Variants in IGFL4 observed in about 807,000 individuals in gnomAD.
IGFL4 encodes IGF like family member 4.
A neutral mutation model predicts 15.4 loss-of-function variants in IGFL4; 12 were observed. That is an observed-to-expected ratio of 0.78 (90% CI 0.50 to 1.26). IGFL4 has a LOEUF of 1.26. Ranked by LOEUF, IGFL4 falls within the 50% of genes most tolerant of loss-of-function variation. The pLI is 0.00. For missense variants in IGFL4, 126 were observed against 147.8 expected, an observed-to-expected ratio of 0.85 and a Z score of 0.76; for synonymous variants, 54 against 55.9, an observed-to-expected ratio of 0.97 and a Z score of 0.16.
At chr19:46,042,120 T>C (rs375116893), upstream of IGFL4, among the ~76,000 whole-genome samples, 2 of 151,488 alleles carry the variant, frequency 1.3e-5, no homozygotes, top group Non-Finnish European at 2.9e-5. Flanking sequence ...GTTGTTGTTG[T>C]GCTTATTTGC....
intron 1 of IGFL4, among the ~76,000 whole-genome samples, chr19:46,075,741 A>G (rs764589806): frequency 6.6e-6 from 1 of 152,120 alleles, no homozygotes; most frequent in Non-Finnish European, 1.5e-5. Context: ...GAGCCAGGTC[A>G]TTATTTGCAG....
upstream of IGFL4, among the ~76,000 whole-genome samples, chr19:46,044,086 G>GGT (rs929452384): frequency 6.6e-5 from 10 of 152,182 alleles, no homozygotes; most frequent in African/African-American, 2.4e-4. Context: ...GCAGTGTGGA[G>GGT]GTATGGGGAC....
rs1231799653 is a variant in IGFL4 at position 46,040,257 on chromosome 19, A to G, written c.230T>C (p.Leu77Pro). The change falls in exon 3 of 4, where the codon CTG (leucine) becomes CCG (proline). Residue 77 changes from leucine (L) to proline (P), a missense_variant. Physicochemically the swap from Leu to Pro is moderately conservative, Grantham distance 98. Coordinates refer to ENST00000377697, the MANE Select transcript of IGFL4 (RefSeq NM_001002923.3). The surrounding 1 kb of genome is among the most constrained non-coding windows in gnomAD (Gnocchi z 4.1). ...TFWPCFQHCC[L>P]ESLGSQNQTV... ...CTGGTTCTGAGAGCCCAAAGACTCC[A>G]GGCAGCAGTGCTGGAAGCAGGGCCA... 6.2e-7 allele frequency: 1 copy of G among 1,614,214 alleles called. No individual in the cohort carries two copies. Among genetic ancestry groups the G allele is most frequent in the South Asian group, 1.1e-5 (1 of 91,090 alleles).
In IGFL4 at chr19:46,075,644, A is replaced by G. The variant is rs74956992; in HGVS notation, c.-432+1376T>C. Among the ~76,000 whole-genome samples, 1,171 of 152,304 alleles carry G rather than the reference A, an allele frequency of 7.7e-3. 19 individuals carry two copies. The highest frequency in any genetic ancestry group is 0.027 in the African/African-American group (1,112 of 41,560). ...CTGTCAACATGATTTATCATTGATG[A>G]TTATGACACCGATTACCTGGCTGAT... On this transcript the variant is annotated intron_variant, in intron 1 of 5. Transcript: ENST00000601672.
chr19:46,068,298 G>A (rs763141908), intron 1 of IGFL4, among the ~76,000 whole-genome samples: 2 of 152,184 alleles, frequency 1.3e-5, no homozygotes, highest in Non-Finnish European at 2.9e-5. Context: ...CAGTGGCTTA[G>A]ACAGTAATCT....
chr19:46,065,308 GCTTTT>G (rs145761586), intron 1 of IGFL4, among the ~76,000 whole-genome samples: 109,018 of 150,572 alleles, frequency 0.72, 40,162 homozygotes, highest in African/African-American at 0.86. Context: ...CTGTGCAGAA[GCTTTT>G]CTTTTCTTTT....
At chr19:46,057,533 T>A (rs1389723797) in intron 2 of IGFL4, 1 of 152,124 alleles carries the variant, frequency 6.6e-6, no homozygotes, top group Non-Finnish European at 1.5e-5. Context: ...AGTGAAGGAA[T>A]AAAAGAATGG....
At chr19:46,061,973 A>T (rs1164456335) in intron 1 of IGFL4, among the ~76,000 whole-genome samples, 1 of 152,206 alleles carries the variant, frequency 6.6e-6, no homozygotes, top group African/African-American at 2.4e-5. Context: ...ACATAACACA[A>T]TGCGAAACAG....
At chr19:46,065,204 C>T (rs1223779786) in intron 1 of IGFL4, among the ~76,000 whole-genome samples, 1 of 144,198 alleles carries the variant, frequency 6.9e-6, no homozygotes, top group African/African-American at 2.6e-5. Context: ...TTTTTCTTTT[C>T]TTTTCTTTTT....
At chr19:46,061,285 T>A (rs1360409920) in intron 1 of IGFL4, among the ~76,000 whole-genome samples, 1 of 152,214 alleles carries the variant, frequency 6.6e-6, no homozygotes, top group Non-Finnish European at 1.5e-5. Flanking sequence ...CATGTAAAAC[T>A]TTTTTTCCTG....
rs1203430855 is a variant in IGFL4, at chr19:46,040,339, C to T, written c.148G>A (p.Asp50Asn). 2 of 1,614,182 alleles carry T rather than the reference C, an allele frequency of 1.2e-6. No individual in the cohort carries two copies. Among genetic ancestry groups the T allele is most frequent in the Admixed American group, 3.3e-5 (2 of 60,036 alleles). Residue 50 changes from aspartate to asparagine, a missense_variant, in exon 3 of 4, where the codon GAC (aspartate) becomes AAC (asparagine). Physicochemically the swap from Asp to Asn is conservative, Grantham distance 23. Coordinates refer to ENST00000377697, the MANE Select transcript of IGFL4 (RefSeq NM_001002923.3). This position sits in a 1 kb window ranked among gnomAD's most constrained non-coding sequence, Gnocchi z 4.1. ...TYNPLEQCCD[D>N]GVILDLNQTR... is the part of the protein sequence containing the mutation. ...TGGTTCAAGTCTAGGATGACACCGTCATCACAGCACTGCTCCAAGGGGTTG... is the reference window on the plus strand; with the variant it reads ...TGGTTCAAGTCTAGGATGACACCGTTATCACAGCACTGCTCCAAGGGGTTG...
Position 46,039,616 on chromosome 19 carries a change from T to C in IGFL4, c.*276A>G. 1 of 336,482 alleles carries C rather than the reference T, an allele frequency of 3.0e-6. No individual in the cohort carries two copies. Among genetic ancestry groups the C allele is most frequent in the Non-Finnish European group, 5.7e-6 (1 of 174,318 alleles). 20.8% of individuals were successfully genotyped at this position (336,482 alleles called of 1,614,324 possible). ...TTGAAGAGGTCCTTCACATCCCTTGTAAGTTGGATTCCTAGGTATTTTATT... is the reference window on the plus strand; with the variant it reads ...TTGAAGAGGTCCTTCACATCCCTTGCAAGTTGGATTCCTAGGTATTTTATT... On this transcript the variant is annotated 3_prime_UTR_variant, in exon 4 of 4. Transcript: ENST00000377697.
chr19:46,043,229 A>C (rs1969263891), upstream of IGFL4, among the ~76,000 whole-genome samples: 1 of 152,232 alleles, frequency 6.6e-6, no homozygotes, highest in Non-Finnish European at 1.5e-5. Context: ...GGTATACTGT[A>C]AATCTAGGAG....
rs372158506 is a variant in IGFL4, at chr19:46,039,609, TC to T, written c.*282del. 2.7e-4 allele frequency: 88 copies of T among 329,882 alleles called. No individual in the cohort carries two copies. In the East Asian group the frequency reaches 6.3e-3, roughly 24 times the overall value. The allele number at this position is 329,882 out of a possible 1,614,324, so 20.4% of individuals were successfully genotyped here. On this transcript the variant is annotated 3_prime_UTR_variant, in exon 4 of 4. Coordinates refer to ENST00000377697, the MANE Select transcript of IGFL4 (RefSeq NM_001002923.3). ...GTTCTCCTTGAAGAGGTCCTTCACA[TC>T]CCTTGTAAGTTGGATTCCTAGGTAT...
In IGFL4 at chr19:46,040,623, G is replaced by T; in HGVS notation, c.20-55C>A. ...TCTGAGGTCACTAGGTCTTGACCAC[G>T]GGGCACAGGATGATGTCTCTGAGCT... On this transcript the variant is annotated intron_variant, in intron 1 of 3. Coordinates refer to ENST00000377697, the MANE Select transcript of IGFL4 (RefSeq NM_001002923.3). The surrounding 1 kb of genome is among the most constrained non-coding windows in gnomAD (Gnocchi z 4.1). 6.4e-7 allele frequency: 1 copy of T among 1,573,866 alleles called. No individual in the cohort carries two copies.
In IGFL4 at chr19:46,040,174, T is replaced by A; in HGVS notation, c.313A>T (p.Thr105Ser). ...ATCCTTACCTGGGCACAGATCCTGG[T>A]GATAGGGGAGGACTTGCAATCTGGC... ...MKPDCKSSPI[T>S]RICAQEYHPK... is the part of the protein sequence containing the mutation. The change falls in exon 3 of 4, where the codon ACC becomes TCC. Residue 105 changes from threonine (T) to serine (S), a missense_variant. Transcript: ENST00000377697. This position sits in a 1 kb window ranked among gnomAD's most constrained non-coding sequence, Gnocchi z 4.1. 4 of 1,613,792 alleles carry A rather than the reference T, an allele frequency of 2.5e-6. No homozygotes were observed. Among genetic ancestry groups the A allele is most frequent in the Non-Finnish European group, 3.4e-6 (4 of 1,180,004 alleles).
In IGFL4 at chr19:46,040,389, G is replaced by A. The variant is rs571240427; in HGVS notation, c.98C>T (p.Ala33Val). 3.6e-5 allele frequency: 58 copies of A among 1,614,210 alleles called. No homozygotes were observed. The highest frequency in any genetic ancestry group is 1.3e-4 in the South Asian group (12 of 91,084). Residue 33 changes from alanine (A) to valine (V), a missense_variant, in exon 3 of 4, where the codon GCG (alanine) becomes GTG (valine). Ala to Val is a moderately conservative substitution (Grantham distance 64). Transcript: ENST00000377697. The surrounding 1 kb of genome is among the most constrained non-coding windows in gnomAD (Gnocchi z 4.1). ...GTAGGTCCACTCCCCGCACCTGGGC[G>A]CTGGCTGGCATAGCCACAGTCTAAG... ...TDLRLWLCQP[A>V]PRCGEWTYNP...
At chr19:46,059,343 G>A (rs897178784) in intron 2 of IGFL4, 3 of 152,176 alleles carry the variant, frequency 2.0e-5, no homozygotes, top group Non-Finnish European at 4.4e-5. Flanking sequence ...GAAGGATGAA[G>A]ATCCATATTC....
At chr19:46,054,938 A>C (rs976594604) in intron 2 of IGFL4, among the ~76,000 whole-genome samples, 6 of 152,328 alleles carry the variant, frequency 3.9e-5, no homozygotes, top group Non-Finnish European at 5.9e-5. Flanking sequence ...AAATCAATAC[A>C]TCCCTTTATC....
Sources: gnomAD v4.1 joint callset for allele counts (sites outside exome capture counted in the v4.1 genomes callset) on GRCh38, gnomAD v4.1.1 for gene constraint, Gnocchi (gnomAD v3.1) non-coding constraint, MANE v1.5 for transcripts, NCBI Gene and HGNC (gene_info 2026-07-23, HGNC 2026-07-21) for gene names.